The following SEC24B variants were observed in gnomAD, a reference collection of about 807,000 sequenced individuals.
SEC24B encodes the protein protein transport protein Sec24B.
SEC24B carries 45 observed loss-of-function variants against 142.8 expected under a neutral mutation model. The ratio of observed to expected loss-of-function variants is 0.32; its 90% confidence interval spans 0.25 to 0.40. SEC24B has a LOEUF of 0.40. Among genes scored for constraint, SEC24B ranks in the 10% least tolerant of loss-of-function variants. The pLI is 1.00. For missense variants in SEC24B, 1,409 were observed against 1,526.8 expected (o/e 0.92, Z 1.29); for synonymous variants, 574 against 568.2 (o/e 1.01, Z -0.15).
rs779592949 is a variant in SEC24B, at chr4:109,526,178, T to C, written c.2792-48T>C. ...TTAAAAAAGTAACTTTAGCTTGAGG[T>C]GAAGATACTATTGTTAACTTGATTT... On this transcript the variant is annotated intron_variant, in intron 16 of 23. Coordinates refer to ENST00000265175, the MANE Select transcript of SEC24B (RefSeq NM_006323.5). 3.9e-6 allele frequency: 6 copies of C among 1,552,128 alleles called. No homozygotes were observed. The Admixed American group carries it at 1.1e-4, about 27-fold the overall frequency.
intron 18 of SEC24B, among the ~76,000 whole-genome samples, chr4:109,528,960 C>G (rs908166347): frequency 4.6e-5 from 7 of 152,144 alleles, no homozygotes; most frequent in Non-Finnish European, 1.0e-4. Flanking sequence ...TTCAGGAGTT[C>G]AAGACGAGAC....
chr4:109,439,515 T>C (rs1488713614), intron 1 of SEC24B, among the ~76,000 whole-genome samples: 2 of 105,266 alleles, frequency 1.9e-5, no homozygotes, highest in Non-Finnish European at 3.8e-5. Flanking sequence ...TTTTTTTTTT[T>C]TTTTGAGACT....
intron 14 of SEC24B, among the ~76,000 whole-genome samples, chr4:109,524,122 T>C (rs1036103010): frequency 2.6e-5 from 4 of 152,142 alleles, no homozygotes; most frequent in Non-Finnish European, 5.9e-5. Flanking sequence ...TGATAGAGCT[T>C]TGTTTTGATT....
chr4:109,475,061 C>T (rs1462051593), intron 3 of SEC24B, among the ~76,000 whole-genome samples: 1 of 152,154 alleles, frequency 6.6e-6, no homozygotes, highest in African/African-American at 2.4e-5. Context: ...ACTCAGATCT[C>T]TCTATCTTGT....
chr4:109,478,044 G>A (rs1470717474), intron 3 of SEC24B, among the ~76,000 whole-genome samples: 1 of 152,116 alleles, frequency 6.6e-6, no homozygotes. Context: ...CACTTTGGGA[G>A]GCAAAGGTGG....
At chr4:109,478,261 G>A (rs1296213543) in intron 3 of SEC24B, among the ~76,000 whole-genome samples, 1 of 151,106 alleles carries the variant, frequency 6.6e-6, no homozygotes, top group African/African-American at 2.4e-5. Flanking sequence ...ACTCCAGCCT[G>A]GGTGACAGAG....
chr4:109,486,269 G>C (rs927526784), intron 4 of SEC24B, among the ~76,000 whole-genome samples: 1 of 152,184 alleles, frequency 6.6e-6, no homozygotes, highest in Non-Finnish European at 1.5e-5. Context: ...TGGACATGGA[G>C]TTTGAGTTAT....
intron 1 of SEC24B, among the ~76,000 whole-genome samples, chr4:109,445,331 C>T (rs1213622978): frequency 6.8e-6 from 1 of 146,882 alleles, no homozygotes. Context: ...GCAAGCTCCG[C>T]CTCCCAGCTT....
chr4:109,521,785 G>A (rs775633443), intron 14 of SEC24B, among the ~76,000 whole-genome samples, 159 bp downstream of exon 14: 6 of 152,188 alleles, frequency 3.9e-5, no homozygotes, highest in African/African-American at 1.2e-4. Flanking sequence ...AGGCTGGAGC[G>A]CAGTGGCGCG....
chr4:109,527,551 C>G, intron 18 of SEC24B, 119 bp downstream of exon 18: 1 of 666,604 alleles, frequency 1.5e-6, no homozygotes, highest in Non-Finnish European at 2.6e-6. Context: ...GGCGGACGGA[C>G]CACGAGGTCA....
intron 3 of SEC24B, among the ~76,000 whole-genome samples, chr4:109,478,689 T>C (rs1733426234): frequency 6.6e-6 from 1 of 152,222 alleles, no homozygotes; most frequent in Non-Finnish European, 1.5e-5. Context: ...TATTTCCTAC[T>C]GTGTACTGTA....
intron 11 of SEC24B, among the ~76,000 whole-genome samples, chr4:109,518,334 C>T (rs1005952038): frequency 1.3e-5 from 2 of 152,196 alleles, no homozygotes; most frequent in African/African-American, 4.8e-5. Context: ...ATTTCCGTTT[C>T]ACTCCAACAC....
At chr4:109,457,831 A>G (rs1730837620) in intron 1 of SEC24B, among the ~76,000 whole-genome samples, 1 of 152,228 alleles carries the variant, frequency 6.6e-6, no homozygotes, top group African/African-American at 2.4e-5. Flanking sequence ...ATAAAGATAC[A>G]TGTGATTGCA....
chr4:109,536,482 A>G (rs1483986246), intron 22 of SEC24B, among the ~76,000 whole-genome samples: 2 of 152,226 alleles, frequency 1.3e-5, no homozygotes, highest in Admixed American at 1.3e-4. Flanking sequence ...TTAAATGTAA[A>G]AAAGGAAACC....
In SEC24B at chr4:109,516,519, T is replaced by G; in HGVS notation, c.2014-9T>G. 2 of 1,549,234 alleles carry G rather than the reference T, an allele frequency of 1.3e-6. No homozygotes were observed. The highest frequency in any genetic ancestry group is 1.8e-6 in the Non-Finnish European group (2 of 1,130,784). On this transcript the variant is annotated splice_polypyrimidine_tract_variant and intron_variant, in intron 10 of 23. Transcript: ENST00000265175. ...ACCAAATAACTTACTTTATTTTTAT[T>G]CCTTTCAGCTGCGTCCTCCTCAACC...
intron 11 of SEC24B, among the ~76,000 whole-genome samples, chr4:109,519,508 T>TA (rs1297797124): frequency 6.6e-6 from 1 of 152,242 alleles, no homozygotes; most frequent in Non-Finnish European, 1.5e-5. Flanking sequence ...CTGGAGCAGT[T>TA]TCAGCTCAAC....
rs1015357266 is a variant in SEC24B, at chr4:109,540,506, G to T, written c.*831G>T. 1 of 152,090 alleles carries T rather than the reference G, an allele frequency of 6.6e-6. No individual in the cohort carries two copies. The highest frequency in any genetic ancestry group is 1.9e-4 in the East Asian group (1 of 5,196). The allele number at this position is 152,090 out of a possible 1,614,324, so 9.4% of individuals were successfully genotyped here. ...TTTTTGTTTGATTGGTTTTTTGTGG[G>T]GATTGGTGGGTTTTTTTACATACAG... On this transcript the variant is annotated 3_prime_UTR_variant, in exon 24 of 24. Coordinates refer to ENST00000265175, the MANE Select transcript of SEC24B (RefSeq NM_006323.5).
At chr4:109,496,718 A>G (rs1349604141) in intron 6 of SEC24B, among the ~76,000 whole-genome samples, 5 of 152,196 alleles carry the variant, frequency 3.3e-5, no homozygotes, top group African/African-American at 1.2e-4. Flanking sequence ...GTACAGAGGA[A>G]AAAGGAAGAA....
At chr4:109,530,232 T>C in intron 18 of SEC24B, 57 bp from the exon 19 acceptor site, 1 of 1,481,518 alleles carries the variant, frequency 6.7e-7, no homozygotes, top group Non-Finnish European at 9.2e-7. Flanking sequence ...TTTTCTCTCT[T>C]ATAGTGCCCA....
Sources: allele counts gnomAD v4.1 joint callset (sites outside exome capture counted in the v4.1 genomes callset), GRCh38; gene constraint gnomAD v4.1.1; transcripts MANE v1.5; gene names NCBI Gene and HGNC (gene_info 2026-07-23, HGNC 2026-07-21).